Variants in CDKN1B observed in about 807,000 individuals in gnomAD.
The protein encoded by CDKN1B is cyclin dependent kinase inhibitor 1B.
A neutral mutation model predicts 17.1 loss-of-function variants in CDKN1B; 7 were observed. That is an observed-to-expected ratio of 0.41 (90% CI 0.23 to 0.77). CDKN1B has a LOEUF of 0.77. Among genes scored for constraint, CDKN1B ranks in the 30% least tolerant of loss-of-function variants. The pLI, the probability that CDKN1B is intolerant of heterozygous loss-of-function variation, is 0.33. For synonymous variants in CDKN1B, 149 were observed against 104.3 expected (o/e 1.43, Z -2.61); for missense variants, 337 against 262.0 (o/e 1.29, Z -1.98).
chr12:12,719,404 G>C (rs1946519632), intron 2 of CDKN1B: 1 of 204,582 alleles, frequency 4.9e-6, no homozygotes. Context: ...TTTTGAGGGG[G>C]AATGTTTGGT....
intron 2 of CDKN1B, among the ~76,000 whole-genome samples, chr12:12,720,299 G>C (rs34329): frequency 0.61 from 93,358 of 151,948 alleles, 29,868 homozygotes; most frequent in East Asian, 0.87. Flanking sequence ...GCATTTGTAG[G>C]ATTTAGTAAT....
At chr12:12,718,708 G>T in intron 1 of CDKN1B, 117 bp from the exon 2 acceptor site, 1 of 1,187,046 alleles carries the variant, frequency 8.4e-7, no homozygotes, top group African/African-American at 1.5e-5. Context: ...ACGGATCCAG[G>T]ATTGTGGGTG....
Position 12,718,120 on chromosome 12 carries a change from C to CT in CDKN1B, c.281_282insT (p.Lys96GlnfsTer29), listed in dbSNP as rs1946493725. ...GAGTTCTACTACAGACCCCCGCGGC[C>CT]CCCCAAAGGTGCCTGCAAGGTGCCG... On this transcript the variant is annotated frameshift_variant, in exon 1 of 3. Transcript: ENST00000228872. LOFTEE classifies it high-confidence loss of function. 6.2e-7 allele frequency: 1 copy of CT among 1,614,172 alleles called. No individual in the cohort carries two copies. The highest frequency in any genetic ancestry group is 8.5e-7 in the Non-Finnish European group (1 of 1,180,032).
At position 12,717,889 on chromosome 12, in the gene CDKN1B, A is replaced by G; in HGVS notation, c.50A>G (p.Asp17Gly). The change falls in exon 1 of 3, where the codon GAC (aspartate) becomes GGC (glycine). Residue 17 changes from aspartate to glycine, a missense_variant. Asp to Gly is a moderately conservative substitution (Grantham distance 94). Transcript: ENST00000228872. Reference sequence around the variant, plus strand: ...GGGAGCCCTAGCCTGGAGCGGATGGACGCCAGGCAGGCGGAGCACCCCAAG... The same window carrying G: ...GGGAGCCCTAGCCTGGAGCGGATGGGCGCCAGGCAGGCGGAGCACCCCAAG... ...SNGSPSLERM[D>G]ARQAEHPKPS... The G allele has an allele frequency of 6.2e-7, 1 of 1,613,944 alleles. No homozygotes were observed. The highest frequency in any genetic ancestry group is 8.5e-7 in the Non-Finnish European group (1 of 1,180,018).
At position 12,719,931 on chromosome 12, in the gene CDKN1B, A is replaced by G. The variant is rs1946525269; in HGVS notation, c.*8+977A>G. On this transcript the variant is annotated intron_variant, in intron 2 of 2. Coordinates refer to ENST00000228872, the MANE Select transcript of CDKN1B (RefSeq NM_004064.5). ...TTTAGACCAAGACTGTGACCTCTTT[A>G]TTTTCTAAAGCACACACGTAGTTTA... Among the ~76,000 whole-genome samples the G allele has an allele frequency of 2.0e-5, 3 of 152,206 alleles. 1 individual carries two copies. In the South Asian group the frequency reaches 6.2e-4, roughly 31 times the overall value.
rs771115907 is a variant in CDKN1B at position 12,718,264 on chromosome 12, C to T, written c.425C>T (p.Thr142Met). The change falls in exon 1 of 3, where the codon ACG becomes ATG. Residue 142 changes from threonine (T) to methionine (M), a missense_variant. Coordinates refer to ENST00000228872, the MANE Select transcript of CDKN1B (RefSeq NM_004064.5). ...DPKTDPSDSQ[T>M]GLAEQCAGIR... ...AAGACTGATCCGTCGGACAGCCAGACGGGGTTAGCGGAGCAATGCGCAGGA... is the reference window on the plus strand; with the variant it reads ...AAGACTGATCCGTCGGACAGCCAGATGGGGTTAGCGGAGCAATGCGCAGGA... 31 of 1,568,634 alleles carry T rather than the reference C, an allele frequency of 2.0e-5. No homozygotes were observed. Among genetic ancestry groups the T allele is most frequent in the African/African-American group, 2.7e-5 (2 of 73,186 alleles).
chr12:12,717,373 T>C lies in CDKN1B; in HGVS notation c.-467T>C. Reference sequence around the variant, plus strand: ...CTCGCCGTGTCAATCATTTTCTTCTTCGTCAGCCTCCCTTCCACCGCCATA... The same window carrying C: ...CTCGCCGTGTCAATCATTTTCTTCTCCGTCAGCCTCCCTTCCACCGCCATA... On this transcript the variant is annotated 5_prime_UTR_variant, in exon 1 of 3. Coordinates refer to ENST00000228872, the MANE Select transcript of CDKN1B (RefSeq NM_004064.5). The C allele has an allele frequency of 8.6e-7, 1 of 1,160,880 alleles. No individual in the cohort carries two copies. The highest frequency in any genetic ancestry group is 2.6e-5 in the South Asian group (1 of 39,166). 71.9% of individuals were successfully genotyped at this position (1,160,880 alleles called of 1,614,324 possible).
chr12:12,719,013 C>A, intron 2 of CDKN1B, 59 bp downstream of exon 2: 8 of 1,597,716 alleles, frequency 5.0e-6, no homozygotes, highest in Non-Finnish European at 5.1e-6. Context: ...CCTCACGATA[C>A]CTGATCTTAC....
In CDKN1B at chr12:12,718,313, C is replaced by T. The variant is rs1946500609; in HGVS notation, c.474C>T (p.Asp158=). ...CAGIRKRPAT[D]DSSTQNKRAN... ...GAATAAGGAAGCGACCTGCAACCGA[C>T]GGTAATGACCCTTTCCCAACCATAG... The change falls in exon 1 of 3, where the codon GAC becomes GAT. Residue 158 remains aspartate, a splice_region_variant and synonymous_variant. Transcript: ENST00000228872. The T allele has an allele frequency of 4.4e-6, 7 of 1,600,442 alleles. No homozygotes were observed. Among genetic ancestry groups the T allele is most frequent in the African/African-American group, 2.7e-5 (2 of 74,924 alleles).
chr12:12,720,746 C>G (rs529349647), intron 2 of CDKN1B, among the ~76,000 whole-genome samples: 1 of 152,152 alleles, frequency 6.6e-6, no homozygotes, highest in African/African-American at 2.4e-5. Context: ...CCTCCTCCCC[C>G]AGTGTGACAA....
In CDKN1B at chr12:12,718,148, G is replaced by A. The variant is rs761029896; in HGVS notation, c.309G>A (p.Ala103=). 23 of 1,613,908 alleles carry A rather than the reference G, an allele frequency of 1.4e-5. No individual in the cohort carries two copies. The Admixed American group carries it at 1.5e-4, about 11-fold the overall frequency. ...RPPKGACKVP[A]QESQDVSGSR... ...CCAAAGGTGCCTGCAAGGTGCCGGC[G>A]CAGGAGAGCCAGGATGTCAGCGGGA... The change falls in exon 1 of 3, where the codon GCG becomes GCA. Residue 103 remains alanine (A), a synonymous_variant. Transcript: ENST00000228872.
Position 12,717,681 on chromosome 12 carries a change from A to G in CDKN1B, c.-159A>G, listed in dbSNP as rs1946481211. On this transcript the variant is annotated 5_prime_UTR_variant, in exon 1 of 3. Coordinates refer to ENST00000228872, the MANE Select transcript of CDKN1B (RefSeq NM_004064.5). ...TTCCCCGCAGCCCCTGCGCGCTCCT[A>G]GAGCTCGGGCCGTGGCTCGTCGGGG... 6.6e-6 allele frequency: 10 copies of G among 1,524,798 alleles called. No individual in the cohort carries two copies. The highest frequency in any genetic ancestry group is 8.7e-6 in the Non-Finnish European group (10 of 1,143,428). 94.5% of individuals were successfully genotyped at this position (1,524,798 alleles called of 1,614,324 possible). A position where few individuals can be genotyped will look rare whatever the true frequency, so the allele number is the denominator to read the frequency against.
intron 2 of CDKN1B, among the ~76,000 whole-genome samples, chr12:12,720,036 G>A (rs1351400225): frequency 6.6e-6 from 1 of 152,218 alleles, no homozygotes; most frequent in African/African-American, 2.4e-5. Context: ...GGATTAAGGT[G>A]AGATTCAGGT....
At position 12,717,870 on chromosome 12, in the gene CDKN1B, C is replaced by T. The variant is rs779193240; in HGVS notation, c.31C>T (p.Pro11Ser). MSNVRVSNGS[P>S]SLERMDARQA... ...AAACGTGCGAGTGTCTAACGGGAGC[C>T]CTAGCCTGGAGCGGATGGACGCCAG... Residue 11 changes from proline (P) to serine (S), a missense_variant, in exon 1 of 3, where the codon CCT becomes TCT. By Grantham distance (74) the Pro-to-Ser change is moderately conservative. Transcript: ENST00000228872. 4.2e-5 allele frequency: 67 copies of T among 1,613,724 alleles called. No homozygotes were observed. The highest frequency in any genetic ancestry group is 1.7e-4 in the Middle Eastern group (1 of 5,942).
rs757748971 is a variant in CDKN1B at position 12,717,968 on chromosome 12, G to C, written c.129G>C (p.Arg43=). 6.2e-7 allele frequency: 1 copy of C among 1,614,248 alleles called. No homozygotes were observed. Among genetic ancestry groups the C allele is most frequent in the Non-Finnish European group, 8.5e-7 (1 of 1,180,046 alleles). Residue 43 remains arginine (R), a synonymous_variant, in exon 1 of 3, where the codon CGG becomes CGC. Coordinates refer to ENST00000228872, the MANE Select transcript of CDKN1B (RefSeq NM_004064.5). ...FGPVDHEELT[R]DLEKHCRDME... ...CGGTGGACCACGAAGAGTTAACCCGGGACTTGGAGAAGCACTGCAGAGACA... is the reference window on the plus strand; with the variant it reads ...CGGTGGACCACGAAGAGTTAACCCGCGACTTGGAGAAGCACTGCAGAGACA...
intron 1 of CDKN1B, 136 bp from the exon 2 acceptor site, chr12:12,718,689 C>T: frequency 9.7e-7 from 1 of 1,031,994 alleles, no homozygotes; most frequent in Non-Finnish European, 1.5e-6. Context: ...TTAAAAGCCA[C>T]TGGGGATGAC....
In CDKN1B at chr12:12,721,988, A is replaced by G. The variant is rs1021438471; in HGVS notation, c.*961A>G. ...CACAGGAAAGTGTTATTTTTCAAGG[A>G]AGGTTCATGTAGAGAAAAGCACACT... On this transcript the variant is annotated 3_prime_UTR_variant, in exon 3 of 3. Coordinates refer to ENST00000228872, the MANE Select transcript of CDKN1B (RefSeq NM_004064.5). The G allele has an allele frequency of 6.6e-6, 1 of 152,206 alleles. No homozygotes were observed. Among genetic ancestry groups the G allele is most frequent in the African/African-American group, 2.4e-5 (1 of 41,448 alleles). The allele number at this position is 152,206 out of a possible 1,614,324, so 9.4% of individuals were successfully genotyped here.
chr12:12,719,162 G>A (rs1946517704), intron 2 of CDKN1B: 2 of 600,442 alleles, frequency 3.3e-6, no homozygotes, highest in East Asian at 6.4e-5. Context: ...TCTTCAAACT[G>A]TTGACCAGAG....
chr12:12,718,762 G>T, intron 1 of CDKN1B, 63 bp from the exon 2 acceptor site: 2 of 1,602,578 alleles, frequency 1.2e-6, no homozygotes, highest in South Asian at 2.2e-5. Context: ...GCCAACTTCT[G>T]CCAGCCATTG....
Sources: allele counts gnomAD v4.1 joint callset (sites outside exome capture counted in the v4.1 genomes callset), GRCh38; gene constraint gnomAD v4.1.1; transcripts MANE v1.5; gene names NCBI Gene and HGNC (gene_info 2026-07-23, HGNC 2026-07-21).